The following FN3K variants were observed in gnomAD, a reference collection of about 807,000 sequenced individuals.
FN3K encodes fructosamine 3 kinase.
A neutral mutation model predicts 24.8 loss-of-function variants in FN3K; 24 were observed. The observed-to-expected ratio is 0.97, with a 90% CI of 0.70 to 1.36. The LOEUF is 1.36. FN3K is among the 40% of genes most tolerant of loss of function. FN3K has a pLI of 0.00. For synonymous variants in FN3K, 192 were observed against 175.2 expected, an observed-to-expected ratio of 1.10 and a Z score of -0.76; for missense variants, 449 against 416.7, an observed-to-expected ratio of 1.08 and a Z score of -0.67.
chr17:82,738,265 C>T, intron 1 of FN3K: 1 of 581,666 alleles, frequency 1.7e-6, no homozygotes, highest in Non-Finnish European at 3.0e-6. Context: ...GCAGACCCCA[C>T]ACCCCTCACG....
Position 82,750,875 on chromosome 17 carries a change from C to G in FN3K, c.*120C>G. On this transcript the variant is annotated 3_prime_UTR_variant, in exon 6 of 6. Transcript: ENST00000300784. The stretch of plus-strand genomic sequence containing the variant: ...CCCTGTTCCCGTCTCCCCGTCCCTC[C>G]GTCTCCATCCCCCCGTCCCCCCATC... 1.5e-6 allele frequency: 1 copy of G among 652,074 alleles called. No individual in the cohort carries two copies. The highest frequency in any genetic ancestry group is 1.8e-5 in the South Asian group (1 of 54,440). The allele number at this position is 652,074 out of a possible 1,614,324, so 40.4% of individuals were successfully genotyped here.
At chr17:82,738,457 A>G (rs2046918775) in intron 1 of FN3K, 32 bp from the exon 2 acceptor site, 1 of 1,611,574 alleles carries the variant, frequency 6.2e-7, no homozygotes, top group Non-Finnish European at 8.5e-7. Context: ...GGCTGAGTCA[A>G]CAAGGCTGAC....
At chr17:82,735,982 C>T in intron 1 of FN3K, 1 of 634,616 alleles carries the variant, frequency 1.6e-6, no homozygotes. Flanking sequence ...CCTTTGGCCT[C>T]CATGCGCAGC....
rs1288631490 is a variant in FN3K at position 82,750,285 on chromosome 17, T to C, written c.592-132T>C. 3.8e-6 allele frequency: 3 copies of C among 796,112 alleles called. No homozygotes were observed. The East Asian group carries it at 8.0e-5, about 21-fold the overall frequency. The allele number at this position is 796,112 out of a possible 1,614,324, so 49.3% of individuals were successfully genotyped here. A position where few individuals can be genotyped will look rare whatever the true frequency, so the allele number is the denominator to read the frequency against. On this transcript the variant is annotated intron_variant, in intron 5 of 5. Coordinates refer to ENST00000300784, the MANE Select transcript of FN3K (RefSeq NM_022158.4). ...CCTGAAGTCAGGTGGCCCCTATTTC[T>C]GGGCTTGGCAGGCAGTGCTGGGGCT...
chr17:82,744,692 C>G (rs2046958591), intron 4 of FN3K, among the ~76,000 whole-genome samples: 1 of 152,048 alleles, frequency 6.6e-6, no homozygotes, highest in South Asian at 2.1e-4. Flanking sequence ...CTCTGAGTTC[C>G]CTTAGTATTT....
chr17:82,741,774 T>C (rs1291644477), intron 4 of FN3K, among the ~76,000 whole-genome samples: 1 of 152,266 alleles, frequency 6.6e-6, no homozygotes, highest in African/African-American at 2.4e-5. Context: ...TATTATTTAT[T>C]TAGATACAAT....
chr17:82,738,135 C>T (rs2046915264), intron 1 of FN3K: 1 of 253,166 alleles, frequency 3.9e-6, no homozygotes, highest in Non-Finnish European at 7.9e-6. Flanking sequence ...TAAGAGGCAG[C>T]AAGGAAGGTG....
intron 4 of FN3K, among the ~76,000 whole-genome samples, chr17:82,746,586 A>AGTG (rs1366689665): frequency 1.3e-5 from 2 of 152,032 alleles, no homozygotes; most frequent in Non-Finnish European, 2.9e-5. Context: ...AGATCACTTG[A>AGTG]GGTCAGGAGT....
chr17:82,740,764 C>T lies in FN3K; in HGVS notation c.295C>T (p.Gln99Ter), dbSNP rs559000346. 51 of 1,610,932 alleles carry T rather than the reference C, an allele frequency of 3.2e-5. No homozygotes were observed. Among genetic ancestry groups the T allele is most frequent in the Non-Finnish European group, 3.9e-5 (46 of 1,177,446 alleles). Residue 99 changes from glutamine (Q) to a stop codon, truncating the protein, a stop_gained and splice_region_variant, in exon 3 of 6, where the codon CAA becomes TAA. Transcript: ENST00000300784. LOFTEE classifies it high-confidence loss of function. ...TAGCTGCATTTCTTCTTTCCTCAGT[C>T]AAGCATCAAAACTTGGAGAGCAGAT... ...EHLKMKSLSS[Q>*]ASKLGEQMAD... is the part of the protein sequence containing the mutation.
intron 2 of FN3K, 142 bp from the exon 3 acceptor site, chr17:82,740,621 T>C (rs779862959): frequency 3.8e-5 from 24 of 635,524 alleles, no homozygotes; most frequent in Non-Finnish European, 7.0e-5. Flanking sequence ...AAAGAAAGAG[T>C]CATTGCCTGG....
chr17:82,741,197 C>T lies in FN3K; in HGVS notation c.386-114C>T, dbSNP rs538257106. ...ATTGCTACTGTATGTAGTACATCCT[C>T]AGACCACCTATATTCTAGCATGCGT... On this transcript the variant is annotated intron_variant, in intron 3 of 5. Transcript: ENST00000300784. 19 of 924,140 alleles carry T rather than the reference C, an allele frequency of 2.1e-5. No individual in the cohort carries two copies. The Admixed American group carries it at 3.0e-4, about 15-fold the overall frequency. The allele number at this position is 924,140 out of a possible 1,614,324, so 57.2% of individuals were successfully genotyped here. A position where few individuals can be genotyped will look rare whatever the true frequency, so the allele number is the denominator to read the frequency against.
At chr17:82,746,509 G>T in intron 4 of FN3K, among the ~76,000 whole-genome samples, 1 of 151,852 alleles carries the variant, frequency 6.6e-6, no homozygotes, top group Admixed American at 6.6e-5. Flanking sequence ...TCTTGGAAGC[G>T]TCCTTCAGAG....
At position 82,748,880 on chromosome 17, in the gene FN3K, C is replaced by T. The variant is rs374429960; in HGVS notation, c.494C>T (p.Pro165Leu). ...PQVNEWQDDW[P>L]TFFARHRLQA... is the part of the protein sequence containing the mutation. Reference sequence around the variant, plus strand: ...GTGAATGAGTGGCAGGATGACTGGCCGACCTTTTTCGCCCGGCACCGGCTC... The same window carrying T: ...GTGAATGAGTGGCAGGATGACTGGCTGACCTTTTTCGCCCGGCACCGGCTC... The change falls in exon 5 of 6, where the codon CCG (proline) becomes CTG (leucine). Residue 165 changes from proline to leucine, a missense_variant. Transcript: ENST00000300784. 268 of 1,613,186 alleles carry T rather than the reference C, an allele frequency of 1.7e-4. No individual in the cohort carries two copies. The highest frequency in any genetic ancestry group is 2.2e-4 in the Non-Finnish European group (263 of 1,179,986).
At chr17:82,749,115 A>G in intron 5 of FN3K, 138 bp downstream of exon 5, 1 of 1,130,754 alleles carries the variant, frequency 8.8e-7, no homozygotes. Flanking sequence ...GAAGGGGGGC[A>G]GGGGCGGGGG....
chr17:82,736,172 TCTC>T, intron 1 of FN3K: 1 of 222,088 alleles, frequency 4.5e-6, no homozygotes, highest in African/African-American at 2.3e-5. Context: ...AGGCCAGCGT[TCTC>T]CTTCCCACAG....
intron 4 of FN3K, among the ~76,000 whole-genome samples, chr17:82,747,446 G>C (rs1298885468): frequency 6.6e-6 from 1 of 152,122 alleles, no homozygotes; most frequent in Non-Finnish European, 1.5e-5. Context: ...CTGTCACCAG[G>C]CTGGAGTGCA....
At chr17:82,748,768 T>G (rs542876858) in intron 4 of FN3K, 87 bp from the exon 5 acceptor site, 1 of 1,600,684 alleles carries the variant, frequency 6.2e-7, no homozygotes, top group East Asian at 2.2e-5. Flanking sequence ...ACTAGGTATC[T>G]TTGCTGGGTT....
chr17:82,738,925 C>CGTATATATATATATATAT (rs1261335715), intron 2 of FN3K, among the ~76,000 whole-genome samples: 1 of 104,096 alleles, frequency 9.6e-6, no homozygotes, highest in African/African-American at 4.1e-5. Flanking sequence ...TATATATACA[C>CGTATATATATATATATAT]ATATATATAT....
At chr17:82,747,654 C>T (rs2046976092) in intron 4 of FN3K, among the ~76,000 whole-genome samples, 1 of 152,220 alleles carries the variant, frequency 6.6e-6, no homozygotes, top group African/African-American at 2.4e-5. Context: ...CCACCTCGGC[C>T]TCCCAAAGTG....
Sources: gnomAD v4.1 joint callset for allele counts (sites outside exome capture counted in the v4.1 genomes callset) on GRCh38, gnomAD v4.1.1 for gene constraint, MANE v1.5 for transcripts, NCBI Gene and HGNC (gene_info 2026-07-23, HGNC 2026-07-21) for gene names.